ZFC3H1: variants seen among roughly 807,000 people sequenced by gnomAD.
ZFC3H1 encodes the protein zinc finger C3H1-type containing.
Under a neutral mutation model 243.7 loss-of-function variants are expected in ZFC3H1, and 71 were observed. The observed-to-expected ratio is 0.29, with a 90% confidence interval of 0.24 to 0.36. The LOEUF is 0.36. ZFC3H1 is among the 10% of genes least tolerant of loss of function. The probability of loss-of-function intolerance (pLI) is 1.00; values close to 1 mark genes in which losing one functional copy is unlikely to be tolerated. For synonymous variants in ZFC3H1, 838 were observed against 813.0 expected (o/e 1.03, Z -0.52); for missense variants, 1,966 against 2,317.1 (o/e 0.85, Z 3.11).
chr12:71,657,323 C>A (rs1331119370), intron 1 of ZFC3H1, 22 bp from the exon 2 acceptor site: 1 of 1,430,292 alleles, frequency 7.0e-7, no homozygotes, highest in East Asian at 2.5e-5. Context: ...ATTAAGGAAA[C>A]CAGTTTCCAA....
chr12:71,645,382 A>C (rs1880704382), intron 3 of ZFC3H1, among the ~76,000 whole-genome samples: 1 of 152,204 alleles, frequency 6.6e-6, no homozygotes, highest in Non-Finnish European at 1.5e-5. Flanking sequence ...AACATTTAAA[A>C]GGGCTTCCCA....
At chr12:71,629,157 ATTTTT>A in intron 19 of ZFC3H1, 120 bp from the exon 20 acceptor site, 10 of 642,570 alleles carry the variant, frequency 1.6e-5, no homozygotes, top group Admixed American at 4.3e-5. Context: ...AATGATACGT[ATTTTT>A]TTTTTTTTTT....
chr12:71,622,933 T>C (rs1311286942), intron 24 of ZFC3H1, among the ~76,000 whole-genome samples: 1 of 152,154 alleles, frequency 6.6e-6, no homozygotes, highest in Non-Finnish European at 1.5e-5. Flanking sequence ...GTCGTATCAT[T>C]TAATATAGAG....
chr12:71,612,293 T>C (rs2137511204), intron 31 of ZFC3H1, among the ~76,000 whole-genome samples: 1 of 152,164 alleles, frequency 6.6e-6, no homozygotes, highest in Non-Finnish European at 1.5e-5. Flanking sequence ...ATAGTAACTA[T>C]TAAAGTTCTT....
At chr12:71,619,507 A>AT in intron 26 of ZFC3H1, 98 bp from the exon 27 acceptor site, 1 of 1,174,088 alleles carries the variant, frequency 8.5e-7, no homozygotes, top group South Asian at 1.5e-5. Context: ...TACTCATTAG[A>AT]TTAAGTTTCT....
Position 71,614,902 on chromosome 12 carries a change from T to A in ZFC3H1, c.5292A>T (p.Thr1764=). 6.2e-7 allele frequency: 1 copy of A among 1,613,948 alleles called. No homozygotes were observed. Among genetic ancestry groups the A allele is most frequent in the Non-Finnish European group, 8.5e-7 (1 of 1,179,856 alleles). The part of the protein sequence containing the change: ...CHPLQSSIKE[T]VEAYEAALGV... ...CTAATGCTGCCTCATATGCCTCCAC[T>A]GTTTCTTTAATACTTGATTGAAGAG... is the stretch of plus-strand genomic sequence containing the variant. The change falls in exon 29 of 35, where the codon ACA becomes ACT. Residue 1764 remains threonine, a synonymous_variant. Transcript: ENST00000378743.
chr12:71,651,466 T>C (rs1880884953), intron 2 of ZFC3H1, among the ~76,000 whole-genome samples: 1 of 152,236 alleles, frequency 6.6e-6, no homozygotes, highest in Admixed American at 6.5e-5. Flanking sequence ...CATAAGTGAC[T>C]ATTTTGTTCA....
intron 2 of ZFC3H1, among the ~76,000 whole-genome samples, chr12:71,653,998 G>T (rs926951664): frequency 2.6e-5 from 4 of 152,130 alleles, no homozygotes; most frequent in Non-Finnish European, 5.9e-5. Flanking sequence ...GGATGACAGG[G>T]AAAGACTTTG....
intron 10 of ZFC3H1, 40 bp from the exon 11 acceptor site, chr12:71,634,865 G>C: frequency 6.4e-7 from 1 of 1,559,760 alleles, no homozygotes. Flanking sequence ...TAGATCATCA[G>C]CTTTCCAAAA....
At position 71,663,426 on chromosome 12, in the gene ZFC3H1, C is replaced by A. The variant is rs1881246716; in HGVS notation, c.185G>T (p.Arg62Leu). ...ACCGCCTCCGCCAGATCCACCGCCC[C>A]GGGCCGAGTGAGGAGGCCTTCGCCG... Reference protein sequence around the residue: ...YPRRRPPHSARGGGSGGGGGS... With the variant: ...YPRRRPPHSALGGGSGGGGGS... The change falls in exon 1 of 35, where the codon CGG (arginine) becomes CTG (leucine). Residue 62 changes from arginine (R) to leucine (L), a missense_variant. By Grantham distance (102) the Arg-to-Leu change is moderately radical. This residue lies in a region of ZFC3H1 where 484 missense variants were observed against 449.7 expected (regional missense o/e 1.08). Transcript: ENST00000378743. The A allele has an allele frequency of 4.3e-6, 7 of 1,611,776 alleles. No homozygotes were observed. In the Admixed American group the frequency reaches 5.0e-5, roughly 12 times the overall value.
At chr12:71,644,835 GAAAAC>G in intron 4 of ZFC3H1, 37 bp downstream of exon 4, 1 of 1,586,590 alleles carries the variant, frequency 6.3e-7, no homozygotes, top group Non-Finnish European at 8.6e-7. Context: ...CAAAAGAAAA[GAAAAC>G]AAAACAAAAA....
chr12:71,638,820 AAAAC>A (rs1213227951), intron 6 of ZFC3H1, among the ~76,000 whole-genome samples: 11 of 151,978 alleles, frequency 7.2e-5, no homozygotes, highest in Admixed American at 2.6e-4. Context: ...ATACTTTAAA[AAAAC>A]AAACAAAAAA....
At chr12:71,610,852 A>AT in intron 33 of ZFC3H1, 95 bp from the exon 34 acceptor site, 10 of 1,443,670 alleles carry the variant, frequency 6.9e-6, no homozygotes, top group Non-Finnish European at 9.5e-6. Flanking sequence ...TCACAATAAC[A>AT]TCTGAGACAA....
In ZFC3H1 at chr12:71,632,893, C is replaced by T. The variant is rs763658209; in HGVS notation, c.2810G>A (p.Arg937His). ...EIGKRKLEQD[R>H]FGPNKMMRLD... is the part of the protein sequence containing the mutation. Reference sequence around the variant, plus strand: ...TTTCTATAAAACCCTCACCCCAAAGCGATCTTGTTCCAGTTTACGTTTTCC... The same window carrying T: ...TTTCTATAAAACCCTCACCCCAAAGTGATCTTGTTCCAGTTTACGTTTTCC... Residue 937 changes from arginine (R) to histidine (H), a missense_variant, in exon 14 of 35, where the codon CGC (arginine) becomes CAC (histidine). Transcript: ENST00000378743. The T allele has an allele frequency of 5.6e-6, 9 of 1,611,590 alleles. No individual in the cohort carries two copies. The highest frequency in any genetic ancestry group is 3.3e-5 in the South Asian group (3 of 90,224).
rs759133164 is a variant in ZFC3H1 at position 71,644,960 on chromosome 12, T to G, written c.1196A>C (p.Glu399Ala). 1.2e-5 allele frequency: 19 copies of G among 1,613,282 alleles called. No homozygotes were observed. Among genetic ancestry groups the G allele is most frequent in the Admixed American group, 6.7e-5 (4 of 60,008 alleles). ...KEQQVMKESK[E>A]KLTKTKTVQQ... ...TACAGTTTTCGTCTTAGTCAACTTT[T>G]CTTTGCTTTCTTTCATCACCTGCTG... The change falls in exon 4 of 35, where the codon GAA becomes GCA. Residue 399 changes from glutamate (E) to alanine (A), a missense_variant. Around this residue, in one of 4 missense-constraint regions of ZFC3H1, gnomAD observed 91 missense variants for 107.6 expected, o/e 0.85. Transcript: ENST00000378743.
chr12:71,635,760 T>A (rs1880443367), intron 9 of ZFC3H1, among the ~76,000 whole-genome samples, 180 bp from the exon 10 acceptor site: 1 of 152,210 alleles, frequency 6.6e-6, no homozygotes, highest in Non-Finnish European at 1.5e-5. Context: ...TAAAATGTTG[T>A]ATATTCTTTA....
intron 22 of ZFC3H1, among the ~76,000 whole-genome samples, chr12:71,624,503 A>G (rs1395994411): frequency 6.6e-6 from 1 of 152,238 alleles, no homozygotes; most frequent in African/African-American, 2.4e-5. Context: ...GATGAAAACT[A>G]AAACAATACA....
chr12:71,635,607 G>C (rs778898695), intron 9 of ZFC3H1, 27 bp from the exon 10 acceptor site: 4 of 1,506,270 alleles, frequency 2.7e-6, no homozygotes, highest in Non-Finnish European at 3.5e-6. Context: ...TTTATTACTC[G>C]TGATAACAAA....
At chr12:71,628,775 T>C in intron 20 of ZFC3H1, 143 bp downstream of exon 20, 5 of 730,940 alleles carry the variant, frequency 6.8e-6, no homozygotes, top group Non-Finnish European at 1.0e-5. Context: ...AACTGTATTG[T>C]CTAAAAACCC....
Sources: gnomAD v4.1 joint callset for allele counts (sites outside exome capture counted in the v4.1 genomes callset) on GRCh38, gnomAD v4.1.1 for gene constraint, gnomAD v4.1.1 regional missense constraint, MANE v1.5 for transcripts, NCBI Gene and HGNC (gene_info 2026-07-23, HGNC 2026-07-21) for gene names.